The following ADAMTS9 variants were observed in gnomAD, a reference collection of about 807,000 sequenced individuals.
ADAMTS9 encodes the protein A disintegrin and metalloproteinase with thrombospondin motifs 9.
In ADAMTS9, 107 loss-of-function variants were observed where a neutral mutation model predicts 257.1. The observed-to-expected ratio is 0.42, with a 90% CI of 0.36 to 0.49. The LOEUF (loss-of-function observed/expected upper bound fraction) is 0.49, where lower values mean the gene tolerates loss of function less well. Ranked by LOEUF, ADAMTS9 falls within the 20% of genes least tolerant of loss-of-function variation. ADAMTS9 has a pLI of 0.03. For synonymous variants in ADAMTS9, 982 were observed against 880.9 expected (o/e 1.11, Z -2.03); for missense variants, 2,353 against 2,469.1 (o/e 0.95, Z 1.00).
At chr3:64,523,497 G>T (rs1429774306) in intron 38 of ADAMTS9, among the ~76,000 whole-genome samples, 1 of 152,204 alleles carries the variant, frequency 6.6e-6, no homozygotes, top group Non-Finnish European at 1.5e-5. Flanking sequence ...CAGAACAACT[G>T]AAGTGGAATC....
Position 64,544,549 on chromosome 3 carries a change from C to T in ADAMTS9, c.5064+2209G>A, listed in dbSNP as rs1017535637. On this transcript the variant is annotated intron_variant, in intron 32 of 39. Transcript: ENST00000498707. ...TATTTAATAAATGGTGCTGGGAAAA[C>T]TGGCTAGCCATATGTAGAAAGCTGA... 4.6e-5 allele frequency among the ~76,000 whole-genome samples: 7 copies of T among 152,262 alleles called. No individual in the cohort carries two copies. In the East Asian group the frequency reaches 1.4e-3, roughly 29 times the overall value.
chr3:64,639,311 TTAA>T (rs1373684624), intron 12 of ADAMTS9, among the ~76,000 whole-genome samples: 3 of 139,380 alleles, frequency 2.2e-5, no homozygotes, highest in African/African-American at 5.5e-5. Context: ...TTTTTTTTTT[TTAA>T]AAAAAAAAAA....
intron 28 of ADAMTS9, among the ~76,000 whole-genome samples, chr3:64,577,133 G>A (rs1028662480): frequency 2.6e-5 from 4 of 152,222 alleles, no homozygotes; most frequent in African/African-American, 7.2e-5. Flanking sequence ...ATATTTTACC[G>A]TTGTCTTTCC....
In ADAMTS9 at chr3:64,565,135, C is replaced by G. The variant is rs140684421; in HGVS notation, c.4524+3233G>C. 2.2e-3 allele frequency among the ~76,000 whole-genome samples: 330 copies of G among 152,296 alleles called. 4 individuals carry two copies. The highest frequency in any genetic ancestry group is 7.5e-3 in the African/African-American group (310 of 41,576). ...ACAAAATACTAAAGCAACTCTAGTT[C>G]TCCTCACTGACCATGTGCATATGGC... On this transcript the variant is annotated intron_variant, in intron 29 of 39. Transcript: ENST00000498707.
intron 2 of ADAMTS9, among the ~76,000 whole-genome samples, chr3:64,683,911 G>C (rs1320386978): frequency 2.0e-5 from 3 of 152,098 alleles, no homozygotes; most frequent in Non-Finnish European, 4.4e-5. Flanking sequence ...TCTATGAAGG[G>C]GGAGGGGGAG....
chr3:64,642,848 C>T (rs933735946), intron 11 of ADAMTS9, among the ~76,000 whole-genome samples: 1 of 152,052 alleles, frequency 6.6e-6, no homozygotes, highest in African/African-American at 2.4e-5. Context: ...AGGGAGGACA[C>T]AGCCACCAAG....
intron 28 of ADAMTS9, among the ~76,000 whole-genome samples, chr3:64,572,567 T>A (rs2083717146): frequency 6.6e-6 from 1 of 152,118 alleles, no homozygotes; most frequent in Non-Finnish European, 1.5e-5. Flanking sequence ...TCTGCCTGAA[T>A]GAGAAGGGCT....
intron 28 of ADAMTS9, 169 bp from the exon 29 acceptor site, chr3:64,568,704 G>A: frequency 5.5e-6 from 4 of 726,272 alleles, no homozygotes; most frequent in Non-Finnish European, 4.3e-6. Context: ...AAGGAAGGTG[G>A]CATTGAAAAA....
At chr3:64,584,994 A>G (rs1005417796) in intron 28 of ADAMTS9, among the ~76,000 whole-genome samples, 1 of 152,078 alleles carries the variant, frequency 6.6e-6, no homozygotes, top group African/African-American at 2.4e-5. Context: ...CTTTACTTCC[A>G]TATTTCTGGG....
intron 12 of ADAMTS9, among the ~76,000 whole-genome samples, chr3:64,634,148 T>C (rs1027050429): frequency 1.3e-5 from 2 of 152,114 alleles, no homozygotes; most frequent in African/African-American, 4.8e-5. Context: ...GTTGTGAGAA[T>C]AAATGTTAGA....
chr3:64,574,471 C>A (rs113588057), intron 28 of ADAMTS9, among the ~76,000 whole-genome samples: 7 of 146,162 alleles, frequency 4.8e-5, no homozygotes, highest in African/African-American at 1.8e-4. Flanking sequence ...GACTTTAATG[C>A]CAGAATTTTG....
chr3:64,599,029 T>C (rs983704311), intron 26 of ADAMTS9, among the ~76,000 whole-genome samples: 1 of 152,160 alleles, frequency 6.6e-6, no homozygotes, highest in Non-Finnish European at 1.5e-5. Flanking sequence ...ACCTGATCCA[T>C]GGTCAAGCAA....
intron 28 of ADAMTS9, among the ~76,000 whole-genome samples, chr3:64,578,563 T>C (rs1422393131): frequency 6.6e-6 from 1 of 152,178 alleles, no homozygotes; most frequent in Non-Finnish European, 1.5e-5. Context: ...TTCTTTGTTA[T>C]TTTTGGCAGG....
Position 64,654,499 on chromosome 3 carries a change from A to G in ADAMTS9, c.1211-41T>C, listed in dbSNP as rs529529689. Reference sequence around the variant, plus strand: ...AAACCAACAAGGATTTACTCTAAAAAGCAACTGTGGCTTGAAATACAAACA... The same window carrying G: ...AAACCAACAAGGATTTACTCTAAAAGGCAACTGTGGCTTGAAATACAAACA... On this transcript the variant is annotated intron_variant, in intron 7 of 39. Coordinates refer to ENST00000498707, the MANE Select transcript of ADAMTS9 (RefSeq NM_182920.2). 92 of 1,607,074 alleles carry G rather than the reference A, an allele frequency of 5.7e-5. No homozygotes were observed. The East Asian group carries it at 6.5e-4, about 11-fold the overall frequency.
chr3:64,657,616 G>C (rs1327770235), intron 4 of ADAMTS9, among the ~76,000 whole-genome samples: 2 of 152,024 alleles, frequency 1.3e-5, no homozygotes, highest in East Asian at 3.9e-4. Context: ...GGGATTACAG[G>C]CATGAGTGAC....
chr3:64,669,926 TG>T (rs779380633), intron 3 of ADAMTS9, among the ~76,000 whole-genome samples: 35 of 152,220 alleles, frequency 2.3e-4, no homozygotes, highest in Non-Finnish European at 4.1e-4. Context: ...TAACATGAAA[TG>T]TAAGAATTAG....
chr3:64,541,495 C>T, intron 34 of ADAMTS9, 31 bp downstream of exon 34: 1 of 1,609,448 alleles, frequency 6.2e-7, no homozygotes, highest in Non-Finnish European at 8.5e-7. Flanking sequence ...TAAAAACATT[C>T]TTGAAATAAT....
At chr3:64,631,385 G>A in intron 16 of ADAMTS9, 70 bp downstream of exon 16, 2 of 1,222,118 alleles carry the variant, frequency 1.6e-6, no homozygotes, top group Admixed American at 1.7e-5. Flanking sequence ...TGCCAGAGAA[G>A]GAAGGAAGCA....
Position 64,525,789 on chromosome 3 carries a change from T to TAG in ADAMTS9, c.5719-3530_5719-3529insCT, listed in dbSNP as rs2082902415. On this transcript the variant is annotated intron_variant, in intron 38 of 39. Coordinates refer to ENST00000498707, the MANE Select transcript of ADAMTS9 (RefSeq NM_182920.2). ...CCATACCTGGCTAATTTTTGTATTT[T>TAG]TAGTAGAGACAGGGTTTCACTATGT... Among the ~76,000 whole-genome samples the TAG allele has an allele frequency of 7.9e-5, 12 of 151,756 alleles. 1 individual carries two copies. Among genetic ancestry groups the TAG allele is most frequent in the Admixed American group, 7.2e-4 (11 of 15,238 alleles).
Sources: allele counts gnomAD v4.1 joint callset (sites outside exome capture counted in the v4.1 genomes callset), GRCh38; gene constraint gnomAD v4.1.1; transcripts MANE v1.5; gene names NCBI Gene and HGNC (gene_info 2026-07-23, HGNC 2026-07-21).